The following PHACTR3 variants were observed in gnomAD, a reference collection of about 807,000 sequenced individuals.
PHACTR3 encodes the protein protein phosphatase 1, regulatory subunit 123.
A neutral mutation model predicts 66.8 loss-of-function variants in PHACTR3; 16 were observed. The observed-to-expected ratio is 0.24, with a 90% CI of 0.16 to 0.36. The LOEUF (loss-of-function observed/expected upper bound fraction) is 0.36, where lower values mean the gene tolerates loss of function less well. Ranked by LOEUF, PHACTR3 falls within the 10% of genes least tolerant of loss-of-function variation. PHACTR3 has a pLI of 1.00. For missense variants in PHACTR3, 647 were observed against 719.9 expected, an observed-to-expected ratio of 0.90 and a Z score of 1.16; for synonymous variants, 323 against 292.1, an observed-to-expected ratio of 1.11 and a Z score of -1.08.
intron 2 of PHACTR3, among the ~76,000 whole-genome samples, chr20:59,746,855 G>C (rs565578977): frequency 1.1e-3 from 174 of 152,356 alleles, no homozygotes; most frequent in African/African-American, 4.0e-3. Flanking sequence ...ACCCAGGTGA[G>C]GAGGCTGCAT....
intron 7 of PHACTR3, among the ~76,000 whole-genome samples, chr20:59,779,986 C>G (rs1214404356): frequency 1.3e-5 from 2 of 152,216 alleles, no homozygotes; most frequent in Non-Finnish European, 1.5e-5. Flanking sequence ...TTTGTCTTTT[C>G]TCTGTGCTGA....
At chr20:59,790,150 G>T (rs1370920471) in intron 7 of PHACTR3, among the ~76,000 whole-genome samples, 2 of 151,972 alleles carry the variant, frequency 1.3e-5, no homozygotes, top group East Asian at 3.9e-4. Context: ...AAGTTCAGGG[G>T]TACATGTGCA....
intron 7 of PHACTR3, among the ~76,000 whole-genome samples, chr20:59,775,635 G>A (rs538122078): frequency 9.8e-5 from 15 of 152,312 alleles, no homozygotes; most frequent in African/African-American, 2.9e-4. Flanking sequence ...CTGCCACCGC[G>A]GAACCAGTGT....
chr20:59,676,425 G>A (rs946778068), intron 1 of PHACTR3, among the ~76,000 whole-genome samples: 6 of 152,134 alleles, frequency 3.9e-5, no homozygotes, highest in South Asian at 2.1e-4. Flanking sequence ...CCACTGAGCC[G>A]GACCCTCAGA....
chr20:59,778,330 C>T (rs1180898604), intron 7 of PHACTR3, among the ~76,000 whole-genome samples: 1 of 152,178 alleles, frequency 6.6e-6, no homozygotes, highest in Non-Finnish European at 1.5e-5. Context: ...TGGCCCCACC[C>T]CATGTGGCCT....
chr20:59,629,572 C>T (rs143707995), intron 1 of PHACTR3, among the ~76,000 whole-genome samples: 587 of 152,302 alleles, frequency 3.9e-3, no homozygotes, highest in Non-Finnish European at 4.9e-3. Flanking sequence ...TGTGAGTGGC[C>T]GCCTTCTCCC....
intron 8 of PHACTR3, among the ~76,000 whole-genome samples, chr20:59,823,003 C>A (rs1282454605): frequency 6.6e-6 from 1 of 152,160 alleles, no homozygotes; most frequent in Non-Finnish European, 1.5e-5. Flanking sequence ...TGCTCAGCGT[C>A]CAAGGAGGAA....
chr20:59,639,160 GTGGGTCTGTGGATGGA>G (rs2035016144), intron 1 of PHACTR3, among the ~76,000 whole-genome samples: 1 of 152,038 alleles, frequency 6.6e-6, no homozygotes, highest in Admixed American at 6.5e-5. Flanking sequence ...AGGTGGGTGG[GTGGGTCTGTGGATGGA>G]TGGATGAGTG....
At position 59,830,347 on chromosome 20, in the gene PHACTR3, A is replaced by T. The variant is rs2042327206; in HGVS notation, c.1329-6158A>T. Among the ~76,000 whole-genome samples the T allele has an allele frequency of 6.6e-6, 1 of 151,108 alleles. No homozygotes were observed. The highest frequency in any genetic ancestry group is 1.9e-4 in the East Asian group (1 of 5,148). ...AGAAGGTGTGAGTATTTGATGGAGG[A>T]GGGTGTGTCTGATGGAGACGGTGTG... On this transcript the variant is annotated intron_variant, in intron 8 of 12. Coordinates refer to ENST00000371015, the MANE Select transcript of PHACTR3 (RefSeq NM_080672.5). This position sits in a 1 kb window ranked among gnomAD's most constrained non-coding sequence, Gnocchi z 5.8.
At chr20:59,801,331 C>T (rs766187960) in intron 7 of PHACTR3, among the ~76,000 whole-genome samples, 5 of 152,230 alleles carry the variant, frequency 3.3e-5, no homozygotes, top group Non-Finnish European at 5.9e-5. Flanking sequence ...TCTTCTGTTG[C>T]TGATTTCTAG....
intron 11 of PHACTR3, chr20:59,844,801 G>A (rs2059122119): frequency 6.3e-6 from 1 of 158,224 alleles, no homozygotes; most frequent in African/African-American, 2.4e-5. Context: ...ACTATGTTGT[G>A]TATATTTCAA....
intron 7 of PHACTR3, among the ~76,000 whole-genome samples, chr20:59,796,711 G>T (rs2041260715): frequency 6.6e-6 from 1 of 152,122 alleles, no homozygotes; most frequent in South Asian, 2.1e-4. Context: ...TGAGAAGTTT[G>T]CTCATAGACT....
At chr20:59,609,651 C>G (rs560918626) in intron 1 of PHACTR3, among the ~76,000 whole-genome samples, 1 of 152,324 alleles carries the variant, frequency 6.6e-6, no homozygotes, top group African/African-American at 2.4e-5. Context: ...AATGCTGCCC[C>G]CTTCCTGGGC....
At chr20:59,624,588 T>TG (rs1490421996) in intron 1 of PHACTR3, among the ~76,000 whole-genome samples, 10 of 152,270 alleles carry the variant, frequency 6.6e-5, no homozygotes, top group Admixed American at 6.5e-4. Flanking sequence ...AGACACCTCC[T>TG]GGCAGCCGGG....
chr20:59,750,598 G>A (rs150420704), intron 3 of PHACTR3, among the ~76,000 whole-genome samples: 222 of 152,282 alleles, frequency 1.5e-3, no homozygotes, highest in South Asian at 5.6e-3. Context: ...GACGCCTCCC[G>A]TCTTCCCTGC....
chr20:59,633,593 C>T (rs150437610), intron 1 of PHACTR3, among the ~76,000 whole-genome samples: 17 of 152,138 alleles, frequency 1.1e-4, no homozygotes, highest in Admixed American at 3.3e-4. Context: ...CAAACCTGCA[C>T]GTTCTGCATA....
intron 1 of PHACTR3, among the ~76,000 whole-genome samples, chr20:59,685,424 ACCTGGTTCCTCATTTT>A (rs2036826618): frequency 6.6e-6 from 1 of 152,114 alleles, no homozygotes; most frequent in Non-Finnish European, 1.5e-5. Flanking sequence ...TTGCTTTGTG[ACCTGGTTCCTCATTTT>A]CCTCATCTGT....
At chr20:59,741,442 G>A (rs561294235) in intron 1 of PHACTR3, among the ~76,000 whole-genome samples, 19 of 152,268 alleles carry the variant, frequency 1.2e-4, no homozygotes, top group Middle Eastern at 3.4e-3. Flanking sequence ...TGGGACTCAG[G>A]TCCTTGTTGC....
intron 1 of PHACTR3, among the ~76,000 whole-genome samples, chr20:59,668,402 A>G (rs1165261577): frequency 2.6e-5 from 4 of 151,958 alleles, no homozygotes; most frequent in African/African-American, 4.8e-5. Context: ...GGACATGTAC[A>G]CCTGTACATA....
Sources: gnomAD v4.1 joint callset for allele counts (sites outside exome capture counted in the v4.1 genomes callset) on GRCh38, gnomAD v4.1.1 for gene constraint, Gnocchi (gnomAD v3.1) non-coding constraint, MANE v1.5 for transcripts, NCBI Gene and HGNC (gene_info 2026-07-23, HGNC 2026-07-21) for gene names.